KCNG3: variants seen among roughly 807,000 people sequenced by gnomAD.
KCNG3 encodes potassium voltage-gated channel modifier subfamily G member 3, also known as voltage-gated potassium channel regulatory subunit KCNG3.
In KCNG3, 15 loss-of-function variants were observed where a neutral mutation model predicts 29.0. The observed-to-expected ratio is 0.52, with a 90% CI of 0.35 to 0.80. The LOEUF (loss-of-function observed/expected upper bound fraction) is 0.80, where lower values mean the gene tolerates loss of function less well. Ranked by LOEUF, KCNG3 falls within the 30% of genes least tolerant of loss-of-function variation. The pLI is 0.01. For missense variants in KCNG3, 512 were observed against 605.7 expected, an observed-to-expected ratio of 0.85 and a Z score of 1.62; for synonymous variants, 322 against 248.9, an observed-to-expected ratio of 1.29 and a Z score of -2.76.
At position 42,493,511 on chromosome 2, in the gene KCNG3, C is replaced by G; in HGVS notation, c.-10G>C. ...TGCGCCCGAAGGTCATGGCTGGCCG[C>G]CCGGGGGACTTTCGGCCCGAGGGCC... On this transcript the variant is annotated 5_prime_UTR_variant, in exon 1 of 2. Transcript: ENST00000306078. 7.4e-7 allele frequency: 1 copy of G among 1,356,654 alleles called. No individual in the cohort carries two copies. Among genetic ancestry groups the G allele is most frequent in the Non-Finnish European group, 9.4e-7 (1 of 1,062,170 alleles). The allele number at this position is 1,356,654 out of a possible 1,614,324, so 84.0% of individuals were successfully genotyped here. A position where few individuals can be genotyped will look rare whatever the true frequency, so the allele number is the denominator to read the frequency against.
intron 1 of KCNG3, among the ~76,000 whole-genome samples, chr2:42,486,967 G>A (rs551481425): frequency 1.6e-4 from 24 of 152,020 alleles, no homozygotes; most frequent in Non-Finnish European, 2.5e-4. Flanking sequence ...GACCAGCCTG[G>A]CCAATATGGT....
At chr2:42,447,836 T>C (rs1417567559) in intron 1 of KCNG3, among the ~76,000 whole-genome samples, 3 of 152,106 alleles carry the variant, frequency 2.0e-5, no homozygotes, top group Non-Finnish European at 4.4e-5. Context: ...GCCAATGCAA[T>C]GAATACGTTT....
In KCNG3 at chr2:42,493,433, G is replaced by T. The variant is rs1397353256; in HGVS notation, c.69C>A (p.Ser23=). ...GCGGGAAGTCCTTCAGCAGCTCCCG[G>T]GACAGCGAATACCGGGCGCCGCCCA... The part of the protein sequence containing the change: ...LNVGGARYSL[S]RELLKDFPLR... The change falls in exon 1 of 2, where the codon TCC becomes TCA. Residue 23 remains serine (S), a synonymous_variant. Coordinates refer to ENST00000306078, the MANE Select transcript of KCNG3 (RefSeq NM_133329.6). 4.7e-6 allele frequency: 7 copies of T among 1,481,628 alleles called. No homozygotes were observed. In the South Asian group the frequency reaches 8.2e-5, roughly 17 times the overall value. The allele number at this position is 1,481,628 out of a possible 1,614,324, so 91.8% of individuals were successfully genotyped here. A position where few individuals can be genotyped will look rare whatever the true frequency, so the allele number is the denominator to read the frequency against.
At chr2:42,432,581 T>C in the KCNG3 span, among the ~76,000 whole-genome samples, 1 of 152,174 alleles carries the variant, frequency 6.6e-6, no homozygotes, top group Non-Finnish European at 1.5e-5. Context: ...TTGAGAAGCA[T>C]GAGGTCAGGT....
intron 1 of KCNG3, among the ~76,000 whole-genome samples, chr2:42,471,386 C>G (rs1305667663): frequency 6.6e-6 from 1 of 151,960 alleles, no homozygotes; most frequent in Non-Finnish European, 1.5e-5. Flanking sequence ...TAAGTGAAAG[C>G]AGCCAGACAC....
intron 1 of KCNG3, among the ~76,000 whole-genome samples, chr2:42,475,198 C>T (rs1189331888): frequency 6.6e-6 from 1 of 152,086 alleles, no homozygotes; most frequent in Non-Finnish European, 1.5e-5. Flanking sequence ...CTACTGGGTG[C>T]AGTGTAGTCC....
At chr2:42,418,178 A>C in the KCNG3 span, among the ~76,000 whole-genome samples, 1 of 151,986 alleles carries the variant, frequency 6.6e-6, no homozygotes. Context: ...TACAATAATA[A>C]CTCCTCATAA....
chr2:42,392,798 A>G, the KCNG3 span, among the ~76,000 whole-genome samples: 2 of 152,108 alleles, frequency 1.3e-5, no homozygotes, highest in Non-Finnish European at 2.9e-5. Context: ...GTTCTTTGAT[A>G]CTTTTGAGAG....
the KCNG3 span, among the ~76,000 whole-genome samples, chr2:42,419,438 C>T: frequency 6.6e-6 from 1 of 151,560 alleles, no homozygotes; most frequent in Admixed American, 6.6e-5. Flanking sequence ...GATGGGGTTT[C>T]GCCATGTTGG....
At chr2:42,391,161 G>A in the KCNG3 span, among the ~76,000 whole-genome samples, 2 of 152,142 alleles carry the variant, frequency 1.3e-5, no homozygotes, top group South Asian at 4.1e-4. Context: ...ATTATGTCTT[G>A]TGTCTTTATT....
the KCNG3 span, among the ~76,000 whole-genome samples, chr2:42,406,826 CAAAAAA>C: frequency 1.8e-5 from 2 of 113,676 alleles, no homozygotes; most frequent in Non-Finnish European, 3.7e-5. Flanking sequence ...GACTCCTTCT[CAAAAAA>C]AAAAAAAAAA....
At chr2:42,419,219 C>CTTTTTTTTTTTTTTTTTTTTTTTTTTTT in the KCNG3 span, among the ~76,000 whole-genome samples, 3 of 27,736 alleles carry the variant, frequency 1.1e-4, 1 homozygote, top group Admixed American at 1.4e-3. Flanking sequence ...GATGGTATCT[C>CTTTTTTTTTTTTTTTTTTTTTTTTTTTT]TTTTTTTTTT....
intron 1 of KCNG3, among the ~76,000 whole-genome samples, chr2:42,452,299 A>G (rs1572844532): frequency 6.8e-6 from 1 of 146,854 alleles, no homozygotes; most frequent in Non-Finnish European, 1.5e-5. Context: ...AGGCTAGAGC[A>G]TAATGGAGCA....
At chr2:42,462,539 G>T (rs572370903) in intron 1 of KCNG3, among the ~76,000 whole-genome samples, 87 of 152,156 alleles carry the variant, frequency 5.7e-4, no homozygotes, top group African/African-American at 2.0e-3. Context: ...AAAATTAGCC[G>T]GGCGTGGTGG....
At chr2:42,472,731 C>T (rs1207779030) in intron 1 of KCNG3, among the ~76,000 whole-genome samples, 1 of 151,498 alleles carries the variant, frequency 6.6e-6, no homozygotes, top group Non-Finnish European at 1.5e-5. Flanking sequence ...AACTATTGGC[C>T]TCAGGTGATA....
At chr2:42,475,537 C>T (rs1673403199) in intron 1 of KCNG3, among the ~76,000 whole-genome samples, 1 of 151,456 alleles carries the variant, frequency 6.6e-6, no homozygotes, top group South Asian at 2.1e-4. Context: ...GCCATGTTGG[C>T]CAAGCTGGTC....
chr2:42,403,621 C>CTTTTTTTTTTTTT, the KCNG3 span, among the ~76,000 whole-genome samples: 1 of 134,388 alleles, frequency 7.4e-6, no homozygotes, highest in Non-Finnish European at 1.6e-5. Flanking sequence ...ACTTTTTTTT[C>CTTTTTTTTTTTTT]TTTTTTTTTT....
the KCNG3 span, among the ~76,000 whole-genome samples, chr2:42,399,725 G>A: frequency 6.6e-6 from 1 of 152,162 alleles, no homozygotes; most frequent in East Asian, 1.9e-4. Flanking sequence ...GCTGCACTGT[G>A]AGCAGTTCCC....
At chr2:42,433,124 A>T in the KCNG3 span, among the ~76,000 whole-genome samples, 1 of 152,288 alleles carries the variant, frequency 6.6e-6, no homozygotes, top group East Asian at 1.9e-4. Context: ...TTGACATTGT[A>T]CTGTAAGTTC....
Sources: allele counts gnomAD v4.1 joint callset (sites outside exome capture counted in the v4.1 genomes callset), GRCh38; gene constraint gnomAD v4.1.1; transcripts MANE v1.5; gene names NCBI Gene and HGNC (gene_info 2026-07-23, HGNC 2026-07-21).